The following CPLANE1 variants were observed in gnomAD, a reference collection of about 807,000 sequenced individuals.
CPLANE1 encodes the protein ciliogenesis and planar polarity effector 1.
A neutral mutation model predicts 362.5 loss-of-function variants in CPLANE1; 263 were observed. The ratio of observed to expected loss-of-function variants is 0.73; its 90% CI spans 0.66 to 0.80. The LOEUF (loss-of-function observed/expected upper bound fraction) is 0.80. Among genes scored for constraint, CPLANE1 ranks in the 30% least tolerant of loss-of-function variants. The pLI, the probability that CPLANE1 is intolerant of heterozygous loss-of-function variation, is 0.00. For synonymous variants in CPLANE1, 1,212 were observed against 1,302.6 expected (o/e 0.93, Z 1.50); for missense variants, 3,461 against 3,793.4 (o/e 0.91, Z 2.30).
intron 51 of CPLANE1, among the ~76,000 whole-genome samples, chr5:37,113,812 TTTTTG>T (rs769144791): frequency 1.3e-5 from 2 of 152,046 alleles, no homozygotes; most frequent in African/African-American, 2.4e-5. Flanking sequence ...TAGTGGGGTT[TTTTTG>T]TTTTGTTTTG....
intron 31 of CPLANE1, 140 bp from the exon 32 acceptor site, chr5:37,174,087 C>T: frequency 2.7e-6 from 2 of 739,014 alleles, no homozygotes; most frequent in South Asian, 3.9e-5. Flanking sequence ...AAATTTAAAC[C>T]CTAAAGCCTT....
rs1778455761 is a variant in CPLANE1 at position 37,167,112 on chromosome 5, G to C, written c.7335C>G (p.His2445Gln). The part of the protein sequence containing the change: ...HNLFEQGDAG[H>Q]LQLLKVKIEP... ...CTATTTTGACCTTTAGAAGTTGAAG[G>C]TGTCCAGCATCACCTTGTTCAAATA... Residue 2445 changes from histidine (H) to glutamine (Q), a missense_variant, in exon 35 of 53, where the codon CAC (histidine) becomes CAG (glutamine). His to Gln is a conservative substitution (Grantham distance 24, BLOSUM62 0). Transcript: ENST00000651892. 1 of 1,613,188 alleles carries C rather than the reference G, an allele frequency of 6.2e-7. No individual in the cohort carries two copies. The highest frequency in any genetic ancestry group is 8.5e-7 in the Non-Finnish European group (1 of 1,179,612).
intron 9 of CPLANE1, 59 bp from the exon 10 acceptor site, chr5:37,227,876 T>A: frequency 6.9e-7 from 1 of 1,440,300 alleles, no homozygotes; most frequent in Non-Finnish European, 9.2e-7. Context: ...CGGAAAACAA[T>A]AATGTTTTTC....
intron 10 of CPLANE1, 53 bp from the exon 11 acceptor site, chr5:37,227,445 T>C: frequency 1.3e-6 from 2 of 1,490,716 alleles, no homozygotes; most frequent in Non-Finnish European, 1.8e-6. Context: ...TCTGTAATTC[T>C]ATTATAAGCA....
chr5:37,185,096 A>G lies in CPLANE1; in HGVS notation c.4190-17T>C. 1 of 1,582,686 alleles carries G rather than the reference A, an allele frequency of 6.3e-7. No homozygotes were observed. The highest frequency in any genetic ancestry group is 1.4e-5 in the African/African-American group (1 of 73,328). ...TCTGGGGTCCTGGAAAGAAAAGAATAAAAAGTCTTAGTGTTCATTAAAATA... is the reference window on the plus strand; with the variant it reads ...TCTGGGGTCCTGGAAAGAAAAGAATGAAAAGTCTTAGTGTTCATTAAAATA... On this transcript the variant is annotated splice_polypyrimidine_tract_variant and intron_variant, in intron 24 of 52. Coordinates refer to ENST00000651892, the MANE Select transcript of CPLANE1 (RefSeq NM_001384732.1).
chr5:37,243,003 T>A lies in CPLANE1; in HGVS notation c.677+10A>T. ...CAGTAAGAAAAGGAAGAAGAAAACA[T>A]TTACCTCACCTTACAGATGTAAATA... On this transcript the variant is annotated intron_variant, in intron 6 of 52. Coordinates refer to ENST00000651892, the MANE Select transcript of CPLANE1 (RefSeq NM_001384732.1). 1 of 1,509,192 alleles carries A rather than the reference T, an allele frequency of 6.6e-7. No homozygotes were observed. The highest frequency in any genetic ancestry group is 8.9e-7 in the Non-Finnish European group (1 of 1,120,748). 93.5% of individuals were successfully genotyped at this position (1,509,192 alleles called of 1,614,324 possible). A position where few individuals can be genotyped will look rare whatever the true frequency, so the allele number is the denominator to read the frequency against.
intron 4 of CPLANE1, 58 bp from the exon 5 acceptor site, chr5:37,244,665 A>ATTAT: frequency 9.4e-6 from 9 of 954,828 alleles, no homozygotes; most frequent in Non-Finnish European, 1.4e-5. Context: ...CCCCCAATAA[A>ATTAT]GTACATAATT....
At chr5:37,085,668 G>C in the CPLANE1 span, 1 of 1,091,084 alleles carries the variant, frequency 9.2e-7, no homozygotes, top group Non-Finnish European at 1.4e-6. Flanking sequence ...AGGCACCCTG[G>C]ATCTTTTGAC....
Position 37,121,630 on chromosome 5 carries a change from G to A in CPLANE1, c.9172C>T (p.Pro3058Ser). 6.2e-7 allele frequency: 1 copy of A among 1,614,050 alleles called. No homozygotes were observed. The highest frequency in any genetic ancestry group is 1.1e-5 in the South Asian group (1 of 91,074). Residue 3058 changes from proline to serine, a missense_variant, in exon 49 of 53, where the codon CCT becomes TCT. Around this residue, in one of 2 missense-constraint regions of CPLANE1, gnomAD observed 3,380 missense variants for 3,666.1 expected, o/e 0.92. Transcript: ENST00000651892. ...ACCTTGTCTTACCCTCTTGGAGAAG[G>A]GCAGTGTTGACAACTGGAAGACTGA... ...PTQSSSCQHC[P>S]SPRGENQHGH... is the part of the protein sequence containing the mutation.
chr5:37,101,170 T>A, the CPLANE1 span, among the ~76,000 whole-genome samples: 1 of 152,208 alleles, frequency 6.6e-6, no homozygotes, highest in Non-Finnish European at 1.5e-5. Context: ...TGAGAAGGCA[T>A]CCTTGTCTTG....
chr5:37,139,370 C>T lies in CPLANE1; in HGVS notation c.8633G>A (p.Gly2878Asp), dbSNP rs1768925734. ...ACACAATTCATCACTGCTATTCATA[C>T]CTAAAAAAAAAATCATTATTAATAA... The part of the protein sequence containing the change: ...SSSDQNTTSP[G>D]MNSSDELCES... Residue 2878 changes from glycine (G) to aspartate (D), a missense_variant and splice_region_variant, in exon 45 of 53, where the codon GGT (glycine) becomes GAT (aspartate). Physicochemically the swap from Gly to Asp is moderately conservative, Grantham distance 94. This residue lies in a region of CPLANE1 where 3,380 missense variants were observed against 3,666.1 expected (regional missense o/e 0.92). Coordinates refer to ENST00000651892, the MANE Select transcript of CPLANE1 (RefSeq NM_001384732.1). 2 of 1,186,774 alleles carry T rather than the reference C, an allele frequency of 1.7e-6. No homozygotes were observed. The highest frequency in any genetic ancestry group is 1.7e-5 in the African/African-American group (1 of 59,634). The allele number at this position is 1,186,774 out of a possible 1,614,324, so 73.5% of individuals were successfully genotyped here.
intron 9 of CPLANE1, 132 bp from the exon 10 acceptor site, chr5:37,227,949 A>T: frequency 2.5e-6 from 2 of 788,556 alleles, no homozygotes; most frequent in Non-Finnish European, 3.9e-6. Context: ...CAAAAATATT[A>T]AATGTGTTTA....
chr5:37,140,047 T>C (rs545693341), intron 44 of CPLANE1: 15 of 939,074 alleles, frequency 1.6e-5, no homozygotes, highest in Non-Finnish European at 1.8e-5. Context: ...CGAGAAGCAA[T>C]TTACCTGTAA....
downstream of CPLANE1, among the ~76,000 whole-genome samples, chr5:37,104,474 C>T (rs1757452258): frequency 5.3e-5 from 8 of 151,788 alleles, no homozygotes; most frequent in South Asian, 1.7e-3. Context: ...ATGGCACGTG[C>T]CTTTAGTCCC....
intron 2 of CPLANE1, among the ~76,000 whole-genome samples, chr5:37,247,284 T>C (rs942911951): frequency 1.3e-5 from 2 of 152,172 alleles, no homozygotes; most frequent in Non-Finnish European, 2.9e-5. Flanking sequence ...ACTGTTCCAG[T>C]AAAGGAAAGC....
At chr5:37,079,466 A>ATCT in the CPLANE1 span, among the ~76,000 whole-genome samples, 2 of 152,194 alleles carry the variant, frequency 1.3e-5, no homozygotes, top group African/African-American at 4.8e-5. Context: ...AATTAGTATC[A>ATCT]TCTTTTTAAA....
intron 39 of CPLANE1, 79 bp downstream of exon 39, chr5:37,158,145 C>T: frequency 6.9e-7 from 1 of 1,454,792 alleles, no homozygotes; most frequent in South Asian, 1.2e-5. Context: ...ATTTCATCTA[C>T]CCAATTGAAT....
chr5:37,234,288 T>G (rs1798415163), intron 8 of CPLANE1, among the ~76,000 whole-genome samples: 1 of 151,278 alleles, frequency 6.6e-6, no homozygotes, highest in Non-Finnish European at 1.5e-5. Flanking sequence ...ATACCGATTT[T>G]GAAGAAGCTC....
intron 43 of CPLANE1, 67 bp from the exon 44 acceptor site, chr5:37,142,547 AATTGCCACT>A (rs986166011): frequency 1.8e-6 from 2 of 1,082,446 alleles, no homozygotes; most frequent in African/African-American, 3.3e-5. Context: ...TGGAAAAGAC[AATTGCCACT>A]ATTTCCAACT....
Sources: allele counts gnomAD v4.1 joint callset (sites outside exome capture counted in the v4.1 genomes callset), GRCh38; gene constraint gnomAD v4.1.1; regional missense constraint gnomAD v4.1.1; transcripts MANE v1.5; gene names NCBI Gene and HGNC (gene_info 2026-07-23, HGNC 2026-07-21).